SLC4A10: variants seen among roughly 807,000 people sequenced by gnomAD.
SLC4A10 encodes sodium-driven chloride bicarbonate exchanger.
In SLC4A10, 42 loss-of-function variants were observed where a neutral mutation model predicts 137.7. The ratio of observed to expected loss-of-function variants is 0.30; its 90% CI spans 0.24 to 0.39. SLC4A10 has a LOEUF of 0.39. Among genes scored for constraint, SLC4A10 ranks in the 10% least tolerant of loss-of-function variants. The pLI, the probability that SLC4A10 is intolerant of heterozygous loss-of-function variation, is 1.00. For synonymous variants in SLC4A10, 474 were observed against 464.1 expected (o/e 1.02, Z -0.27); for missense variants, 925 against 1,355.0 (o/e 0.68, Z 4.98).
chr2:161,872,814 A>C (rs2061218630), intron 7 of SLC4A10, among the ~76,000 whole-genome samples: 1 of 152,170 alleles, frequency 6.6e-6, no homozygotes, highest in African/African-American at 2.4e-5. Flanking sequence ...CCTGGGTTCA[A>C]GCAATTCTCA....
chr2:161,912,533 CTG>C (rs1686096864), intron 15 of SLC4A10, among the ~76,000 whole-genome samples: 1 of 152,054 alleles, frequency 6.6e-6, no homozygotes. Context: ...ACCACAGACA[CTG>C]TGGTAATATG....
chr2:161,772,670 A>C (rs1457675262), intron 2 of SLC4A10, among the ~76,000 whole-genome samples: 1 of 151,880 alleles, frequency 6.6e-6, no homozygotes, highest in Non-Finnish European at 1.5e-5. Context: ...AATAACAGTG[A>C]TTAAGTCATT....
chr2:161,831,496 A>G (rs2125741354), intron 3 of SLC4A10, among the ~76,000 whole-genome samples: 1 of 152,222 alleles, frequency 6.6e-6, no homozygotes, highest in South Asian at 2.1e-4. Flanking sequence ...TATCACAAAT[A>G]TGCTACATAA....
chr2:161,966,171 T>A (rs1697543292), intron 23 of SLC4A10, among the ~76,000 whole-genome samples: 1 of 152,152 alleles, frequency 6.6e-6, no homozygotes, highest in African/African-American at 2.4e-5. Flanking sequence ...GTTTTTTCTT[T>A]CTCAGAAATT....
intron 6 of SLC4A10, among the ~76,000 whole-genome samples, chr2:161,868,773 T>A (rs2060926372): frequency 6.6e-6 from 1 of 151,680 alleles, no homozygotes; most frequent in Non-Finnish European, 1.5e-5. Flanking sequence ...GTTTAAATAG[T>A]CACAGATACC....
At position 161,976,679 on chromosome 2, in the gene SLC4A10, C is replaced by CCTATATTTA. The variant is rs1255775680; in HGVS notation, c.3228-80_3228-72dup. 7 of 607,168 alleles carry CCTATATTTA rather than the reference C, an allele frequency of 1.2e-5. No homozygotes were observed. In the African/African-American group the frequency reaches 1.3e-4, roughly 12 times the overall value. The allele number at this position is 607,168 out of a possible 1,614,324, so 37.6% of individuals were successfully genotyped here. A position where few individuals can be genotyped will look rare whatever the true frequency, so the allele number is the denominator to read the frequency against. On this transcript the variant is annotated intron_variant, in intron 24 of 26. Transcript: ENST00000446997. ...ATATTCTTCATAGATATATGATTGC[C>CCTATATTTA]CTATATTTAGTTTCTGTCATTGAAA...
intron 6 of SLC4A10, 59 bp from the exon 7 acceptor site, chr2:161,872,234 C>A: frequency 7.6e-7 from 1 of 1,321,246 alleles, no homozygotes; most frequent in Non-Finnish European, 1.1e-6. Context: ...CTATTTCACT[C>A]AGTATGTCTA....
chr2:161,817,731 T>A (rs1229538754), intron 3 of SLC4A10, among the ~76,000 whole-genome samples: 1 of 152,166 alleles, frequency 6.6e-6, no homozygotes, highest in Non-Finnish European at 1.5e-5. Flanking sequence ...ATTTATTAAA[T>A]AGGGAATTCT....
intron 23 of SLC4A10, among the ~76,000 whole-genome samples, chr2:161,968,746 A>G (rs1354519431): frequency 2.0e-5 from 3 of 152,354 alleles, no homozygotes; most frequent in East Asian, 3.9e-4. Flanking sequence ...CGAACAGGAA[A>G]GAAAATAGGA....
chr2:161,720,763 T>C (rs968209040), intron 1 of SLC4A10, among the ~76,000 whole-genome samples: 1 of 152,184 alleles, frequency 6.6e-6, no homozygotes, highest in African/African-American at 2.4e-5. Context: ...ATTTTGAGCC[T>C]ATCTGTATCT....
intron 15 of SLC4A10, among the ~76,000 whole-genome samples, chr2:161,912,190 T>A (rs966323921): frequency 6.6e-6 from 1 of 152,158 alleles, no homozygotes; most frequent in Non-Finnish European, 1.5e-5. Context: ...ACTATGTTAC[T>A]CTTCGTATCT....
intron 3 of SLC4A10, among the ~76,000 whole-genome samples, chr2:161,817,895 G>A (rs1181548448): frequency 2.0e-5 from 3 of 151,792 alleles, no homozygotes; most frequent in Non-Finnish European, 4.4e-5. Context: ...TTGTAGTATA[G>A]TTTGAAGTCA....
chr2:161,805,959 GC>G (rs988161415), intron 3 of SLC4A10, among the ~76,000 whole-genome samples: 11 of 152,134 alleles, frequency 7.2e-5, no homozygotes, highest in Non-Finnish European at 1.5e-5. Flanking sequence ...CTCCATGAGG[GC>G]CCTGCCCCTG....
intron 10 of SLC4A10, among the ~76,000 whole-genome samples, chr2:161,891,462 G>A (rs1227525997): frequency 1.3e-5 from 2 of 151,760 alleles, no homozygotes; most frequent in South Asian, 2.1e-4. Flanking sequence ...CTATTCACAT[G>A]GTCCCATATT....
chr2:161,960,712 T>C (rs1430899818), intron 21 of SLC4A10, among the ~76,000 whole-genome samples: 1 of 149,646 alleles, frequency 6.7e-6, no homozygotes, highest in East Asian at 2.0e-4. Flanking sequence ...AGAGGGATAC[T>C]CTGTCTCAAA....
chr2:161,732,546 C>T (rs892099551), intron 1 of SLC4A10, among the ~76,000 whole-genome samples: 2 of 152,194 alleles, frequency 1.3e-5, no homozygotes, highest in Non-Finnish European at 2.9e-5. Flanking sequence ...ATACTTAGAA[C>T]AGTACATCAT....
At chr2:161,897,338 A>C (rs560817360) in intron 11 of SLC4A10, among the ~76,000 whole-genome samples, 1 of 152,044 alleles carries the variant, frequency 6.6e-6, no homozygotes, top group Non-Finnish European at 1.5e-5. Context: ...AACCCTCCCA[A>C]ATTGTTGTGT....
chr2:161,789,689 G>A (rs1574976652), intron 2 of SLC4A10, among the ~76,000 whole-genome samples: 1 of 152,134 alleles, frequency 6.6e-6, no homozygotes, highest in East Asian at 1.9e-4. Flanking sequence ...ATGTATGACT[G>A]TACATAACAA....
chr2:161,976,822 T>G lies in SLC4A10; in HGVS notation c.3290T>G (p.Leu1097Arg), dbSNP rs763424422. ...TCAAAGACTGCCTTGTGGAGGAACC[T>G]TCTGATTACTGCCGATAACTCAAAA... ...EMSKTALWRN[L>R]LITADNSKDK... Residue 1097 changes from leucine to arginine, a missense_variant, in exon 25 of 27, where the codon CTT becomes CGT. This residue lies in a region of SLC4A10 where 84 missense variants were observed against 76.9 expected (regional missense o/e 1.09). Transcript: ENST00000446997. The G allele has an allele frequency of 1.9e-5, 30 of 1,605,796 alleles. No individual in the cohort carries two copies. Among genetic ancestry groups the G allele is most frequent in the Non-Finnish European group, 2.3e-5 (27 of 1,176,064 alleles).
Sources: gnomAD v4.1 joint callset for allele counts (sites outside exome capture counted in the v4.1 genomes callset) on GRCh38, gnomAD v4.1.1 for gene constraint, gnomAD v4.1.1 regional missense constraint, MANE v1.5 for transcripts, NCBI Gene and HGNC (gene_info 2026-07-23, HGNC 2026-07-21) for gene names.